RANBP2: variants seen among roughly 807,000 people sequenced by gnomAD.
RANBP2 encodes RAN binding protein 2.
Under a neutral mutation model 303.6 loss-of-function variants are expected in RANBP2, and 57 were observed. The observed-to-expected ratio is 0.19, with a 90% CI of 0.15 to 0.23. The LOEUF is 0.23. RANBP2 is among the 10% of genes least tolerant of loss of function. RANBP2 has a pLI of 1.00. For missense variants in RANBP2, 3,138 were observed against 3,780.8 expected, an observed-to-expected ratio of 0.83 and a Z score of 4.46; for synonymous variants, 1,167 against 1,301.5, an observed-to-expected ratio of 0.90 and a Z score of 2.23.
chr2:109,275,202 C>G, the RANBP2 span, among the ~76,000 whole-genome samples: 1 of 152,174 alleles, frequency 6.6e-6, no homozygotes, highest in Non-Finnish European at 1.5e-5. Context: ...GTTTCTCGTA[C>G]TTTGCTGCAT....
the RANBP2 span, among the ~76,000 whole-genome samples, chr2:109,119,286 A>G: frequency 1.3e-5 from 2 of 152,190 alleles, no homozygotes; most frequent in Non-Finnish European, 2.9e-5. Context: ...CTCACAAGGA[A>G]GGGACCACCA....
At chr2:108,901,763 A>G in the RANBP2 span, among the ~76,000 whole-genome samples, 1 of 152,238 alleles carries the variant, frequency 6.6e-6, no homozygotes, top group African/African-American at 2.4e-5. Flanking sequence ...TATAAAATAG[A>G]TCATTTGAAC....
the RANBP2 span, among the ~76,000 whole-genome samples, chr2:108,943,600 G>C: frequency 4.6e-5 from 7 of 152,188 alleles, no homozygotes; most frequent in Non-Finnish European, 7.3e-5. Context: ...CCACGGGCTT[G>C]GGAGGACTCA....
the RANBP2 span, among the ~76,000 whole-genome samples, chr2:109,297,081 G>A: frequency 5.9e-5 from 9 of 152,160 alleles, no homozygotes; most frequent in South Asian, 8.3e-4. Context: ...TGGTCCAGGT[G>A]GGGGGTGACC....
At chr2:108,979,811 C>T in the RANBP2 span, among the ~76,000 whole-genome samples, 2 of 152,134 alleles carry the variant, frequency 1.3e-5, no homozygotes, top group African/African-American at 4.8e-5. Flanking sequence ...TCACTTTGGC[C>T]ATCTGACATG....
the RANBP2 span, among the ~76,000 whole-genome samples, chr2:109,249,537 TTCCTTCC>T: frequency 7.2e-3 from 695 of 96,826 alleles, 6 homozygotes; most frequent in Middle Eastern, 0.014. Context: ...CTTTCTTTCC[TTCCTTCC>T]TTCCTTCCTT....
the RANBP2 span, among the ~76,000 whole-genome samples, chr2:108,893,973 TAGAG>T: frequency 6.6e-6 from 1 of 151,886 alleles, no homozygotes; most frequent in East Asian, 1.9e-4. Context: ...TTCTTTCTTT[TAGAG>T]AGCCTCTCTC....
intron 12 of RANBP2, 121 bp downstream of exon 12, chr2:108,752,115 GTT>G (rs1675930700): frequency 6.4e-7 from 1 of 1,555,012 alleles, no homozygotes; most frequent in African/African-American, 1.4e-5. Context: ...TGACAGATGT[GTT>G]TTTTATTGCT....
At chr2:109,150,097 A>G in the RANBP2 span, among the ~76,000 whole-genome samples, 1 of 152,188 alleles carries the variant, frequency 6.6e-6, no homozygotes, top group Admixed American at 6.5e-5. Flanking sequence ...GGTGAGCAGC[A>G]CTGATCTAAA....
the RANBP2 span, among the ~76,000 whole-genome samples, chr2:109,652,712 C>T: frequency 6.6e-6 from 1 of 152,194 alleles, no homozygotes; most frequent in Non-Finnish European, 1.5e-5. Flanking sequence ...ATGGCCAAGA[C>T]TTCAGTCTCT....
chr2:108,882,245 A>T, the RANBP2 span: 1 of 152,214 alleles, frequency 6.6e-6, no homozygotes, highest in Non-Finnish European at 1.5e-5. Flanking sequence ...TGAAAAATGC[A>T]AATTACCAAA....
chr2:109,618,771 T>C, the RANBP2 span: 1 of 167,138 alleles, frequency 6.0e-6, no homozygotes, highest in Admixed American at 6.5e-5. Context: ...GTGTTTCTTA[T>C]AAGGTACACT....
At chr2:109,449,614 T>A in the RANBP2 span, 2 of 1,233,384 alleles carry the variant, frequency 1.6e-6, no homozygotes, top group Non-Finnish European at 2.2e-6. Flanking sequence ...TGCCTGCCCC[T>A]AGATGAACCA....
chr2:108,921,373 G>C, the RANBP2 span, among the ~76,000 whole-genome samples: 8,431 of 152,302 alleles, frequency 0.055, 778 homozygotes, highest in African/African-American at 0.19. Flanking sequence ...TCTGACGGTG[G>C]TTTGCGTAAT....
At chr2:109,530,103 T>G in the RANBP2 span, among the ~76,000 whole-genome samples, 1 of 152,196 alleles carries the variant, frequency 6.6e-6, no homozygotes, top group Admixed American at 6.5e-5. Flanking sequence ...CTCTCCCGCA[T>G]AGAAGATGTT....
At chr2:109,742,769 TACTC>T in the RANBP2 span, among the ~76,000 whole-genome samples, 3 of 147,492 alleles carry the variant, frequency 2.0e-5, 1 homozygote, top group African/African-American at 5.2e-5. Context: ...TTTCAAGACT[TACTC>T]ACTTATCTCA....
At chr2:109,710,700 A>G in the RANBP2 span, among the ~76,000 whole-genome samples, 1 of 152,304 alleles carries the variant, frequency 6.6e-6, no homozygotes, top group South Asian at 2.1e-4. Flanking sequence ...TCTACCTTCA[A>G]CTACCATCAG....
chr2:108,825,523 A>G, the RANBP2 span, among the ~76,000 whole-genome samples: 1 of 152,086 alleles, frequency 6.6e-6, no homozygotes, highest in South Asian at 2.1e-4. Flanking sequence ...GTCTTTATAG[A>G]TTTTCCTATC....
chr2:109,052,300 A>C, the RANBP2 span, among the ~76,000 whole-genome samples: 1 of 152,210 alleles, frequency 6.6e-6, no homozygotes, highest in African/African-American at 2.4e-5. Flanking sequence ...TTTAAGCTTC[A>C]TTCATTTCAA....
Sources: allele counts gnomAD v4.1 joint callset (sites outside exome capture counted in the v4.1 genomes callset), GRCh38; gene constraint gnomAD v4.1.1; transcripts MANE v1.5; gene names NCBI Gene and HGNC (gene_info 2026-07-23, HGNC 2026-07-21).